Variants in MLF2 observed in about 807,000 individuals in gnomAD.
The protein encoded by MLF2 is myelodysplasia-myeloid leukemia factor 2.
Under a neutral mutation model 31.4 loss-of-function variants are expected in MLF2, and 12 were observed. The ratio of observed to expected loss-of-function variants is 0.38; its 90% CI spans 0.24 to 0.62. The LOEUF is 0.62. Ranked by LOEUF, MLF2 falls within the 20% of genes least tolerant of loss-of-function variation. The pLI is 0.58. For missense variants in MLF2, 272 were observed against 359.7 expected (o/e 0.76, Z 1.97); for synonymous variants, 109 against 118.8 (o/e 0.92, Z 0.54).
rs1160391964 is a variant in MLF2 at position 6,749,888 on chromosome 12, C to T, written c.519G>A (p.Gly173=). 2 of 1,614,074 alleles carry T rather than the reference C, an allele frequency of 1.2e-6. No individual in the cohort carries two copies. The highest frequency in any genetic ancestry group is 1.7e-6 in the Non-Finnish European group (2 of 1,180,052). ...ILQRSRNHRT[G]DQEERQDYIN... Reference sequence around the variant, plus strand: ...TATAGTCCTGCCGCTCCTCCTGGTCCCCCGTGCGATGGTTTCGGGAGCGCT... The same window carrying T: ...TATAGTCCTGCCGCTCCTCCTGGTCTCCCGTGCGATGGTTTCGGGAGCGCT... The change falls in exon 7 of 9, where the codon GGG becomes GGA. Residue 173 remains glycine (G), a synonymous_variant. Transcript: ENST00000203630. The surrounding 1 kb of genome is among the most constrained non-coding windows in gnomAD (Gnocchi z 5.3).
Position 6,753,101 on chromosome 12 carries a change from G to T in MLF2, c.-191C>A, listed in dbSNP as rs977745471. 1.8e-5 allele frequency: 7 copies of T among 392,474 alleles called. No homozygotes were observed. Among genetic ancestry groups the T allele is most frequent in the Non-Finnish European group, 3.1e-5 (7 of 222,760 alleles). 24.3% of individuals were successfully genotyped at this position (392,474 alleles called of 1,614,324 possible). A position where few individuals can be genotyped will look rare whatever the true frequency, so the allele number is the denominator to read the frequency against. On this transcript the variant is annotated 5_prime_UTR_variant, in exon 1 of 9. Transcript: ENST00000203630. Reference sequence around the variant, plus strand: ...GCTGCCACCTCCGTACGGCCCCCTCGGCCAACGGAGCCCGAACCTCGGCCA... The same window carrying T: ...GCTGCCACCTCCGTACGGCCCCCTCTGCCAACGGAGCCCGAACCTCGGCCA...
chr12:6,751,747 T>C lies in MLF2; in HGVS notation c.181-71A>G, dbSNP rs1363481124. 2.8e-5 allele frequency: 45 copies of C among 1,589,486 alleles called. No homozygotes were observed. In the East Asian group the frequency reaches 2.9e-4, roughly 10 times the overall value. On this transcript the variant is annotated intron_variant, in intron 3 of 8. Coordinates refer to ENST00000203630, the MANE Select transcript of MLF2 (RefSeq NM_001382226.1). ...TCTTTACAATCCCAAACCAGGCCCA[T>C]GGCCTCAATTTTTTTCCATCCTCTC...
At position 6,753,059 on chromosome 12, in the gene MLF2, C is replaced by G. The variant is rs1941641089; in HGVS notation, c.-149G>C. Reference sequence around the variant, plus strand: ...CGGGCTTGAGCTCCTCGGCCTTCCACGCCGCCTCCTCCCACAGCTGCCACC... The same window carrying G: ...CGGGCTTGAGCTCCTCGGCCTTCCAGGCCGCCTCCTCCCACAGCTGCCACC... On this transcript the variant is annotated 5_prime_UTR_variant, in exon 1 of 9. Transcript: ENST00000203630. 1 of 380,858 alleles carries G rather than the reference C, an allele frequency of 2.6e-6. No homozygotes were observed. Among genetic ancestry groups the G allele is most frequent in the Admixed American group, 4.5e-5 (1 of 22,066 alleles). The allele number at this position is 380,858 out of a possible 1,614,324, so 23.6% of individuals were successfully genotyped here. A position where few individuals can be genotyped will look rare whatever the true frequency, so the allele number is the denominator to read the frequency against.
chr12:6,752,140 A>G lies in MLF2; in HGVS notation c.51-86T>C. On this transcript the variant is annotated intron_variant, in intron 2 of 8. Transcript: ENST00000203630. The surrounding 1 kb of genome is among the most constrained non-coding windows in gnomAD (Gnocchi z 4.6). ...CCTGCAAAAAAATACGCACAGAGCAACAGTGGCACCGATGCCTACTTCCTG... is the reference window on the plus strand; with the variant it reads ...CCTGCAAAAAAATACGCACAGAGCAGCAGTGGCACCGATGCCTACTTCCTG... 6.3e-7 allele frequency: 1 copy of G among 1,593,256 alleles called. No individual in the cohort carries two copies. The highest frequency in any genetic ancestry group is 8.6e-7 in the Non-Finnish European group (1 of 1,165,402).
At position 6,750,063 on chromosome 12, in the gene MLF2, A is replaced by G. The variant is rs1255584139; in HGVS notation, c.400-56T>C. 12 of 1,612,014 alleles carry G rather than the reference A, an allele frequency of 7.4e-6. No homozygotes were observed. Among genetic ancestry groups the G allele is most frequent in the Non-Finnish European group, 1.0e-5 (12 of 1,178,510 alleles). On this transcript the variant is annotated intron_variant, in intron 6 of 8. Transcript: ENST00000203630. This position sits in a 1 kb window ranked among gnomAD's most constrained non-coding sequence, Gnocchi z 5.3. ...CCGCCCCTTCCAAAGCCCTGCCTAT[A>G]CCATCTCAGGATAAACACACCACAC...
At position 6,748,611 on chromosome 12, in the gene MLF2, G is replaced by C; in HGVS notation, c.*26-64C>G. On this transcript the variant is annotated intron_variant, in intron 8 of 8. Transcript: ENST00000203630. The surrounding 1 kb of genome is among the most constrained non-coding windows in gnomAD (Gnocchi z 4.6). Reference sequence around the variant, plus strand: ...AGAAAAAACTTACGTTAAGAGCCAGGAGTTGGGGTTTAATCCCCTATGTCA... The same window carrying C: ...AGAAAAAACTTACGTTAAGAGCCAGCAGTTGGGGTTTAATCCCCTATGTCA... 1 of 550,760 alleles carries C rather than the reference G, an allele frequency of 1.8e-6. No individual in the cohort carries two copies. 34.1% of individuals were successfully genotyped at this position (550,760 alleles called of 1,614,324 possible). A position where few individuals can be genotyped will look rare whatever the true frequency, so the allele number is the denominator to read the frequency against.
intron 4 of MLF2, 88 bp downstream of exon 4, chr12:6,751,553 A>G (rs1313391552): frequency 1.7e-5 from 25 of 1,431,410 alleles, no homozygotes; most frequent in Non-Finnish European, 2.5e-5. Context: ...TTACTCATGA[A>G]ACTATTCCTA....
chr12:6,751,589 A>G, intron 4 of MLF2, 52 bp downstream of exon 4: 2 of 1,573,670 alleles, frequency 1.3e-6, no homozygotes, highest in Non-Finnish European at 1.7e-6. Context: ...AATAATATCT[A>G]AGGGTAGAGA....
chr12:6,749,093 G>A lies in MLF2; in HGVS notation c.560-111C>T, dbSNP rs1941571134. The A allele has an allele frequency of 1.7e-6, 2 of 1,178,446 alleles. No individual in the cohort carries two copies. The highest frequency in any genetic ancestry group is 2.3e-6 in the Non-Finnish European group (2 of 863,652). 73.0% of individuals were successfully genotyped at this position (1,178,446 alleles called of 1,614,324 possible). ...AAAGCGGCGAAGGCTGAGTGTGCGT[G>A]CAGGGATGGGTGGGGTGGCAATTCC... On this transcript the variant is annotated intron_variant, in intron 7 of 8. Transcript: ENST00000203630. The surrounding 1 kb of genome is among the most constrained non-coding windows in gnomAD (Gnocchi z 5.3).
intron 4 of MLF2, among the ~76,000 whole-genome samples, 181 bp downstream of exon 4, chr12:6,751,460 T>G (rs1289741245): frequency 2.0e-5 from 3 of 151,966 alleles, no homozygotes; most frequent in Non-Finnish European, 4.4e-5. Context: ...CCAACAAGAG[T>G]TTAACACCTT....
rs765185030 is a variant in MLF2 at position 6,750,159 on chromosome 12, G to A, written c.399+18C>T. On this transcript the variant is annotated intron_variant, in intron 6 of 8. Coordinates refer to ENST00000203630, the MANE Select transcript of MLF2 (RefSeq NM_001382226.1). This position sits in a 1 kb window ranked among gnomAD's most constrained non-coding sequence, Gnocchi z 5.3. ...CTCAATCCTACCTTCTCTGGGACAGGAGGGCTCCCCAACTCACCCCGCCTG... is the reference window on the plus strand; with the variant it reads ...CTCAATCCTACCTTCTCTGGGACAGAAGGGCTCCCCAACTCACCCCGCCTG... 5.0e-6 allele frequency: 8 copies of A among 1,614,184 alleles called. No homozygotes were observed. In the Admixed American group the frequency reaches 1.0e-4, roughly 20 times the overall value.
chr12:6,750,858 C>T lies in MLF2; in HGVS notation c.217-92G>A. 1 of 1,082,360 alleles carries T rather than the reference C, an allele frequency of 9.2e-7. No individual in the cohort carries two copies. The allele number at this position is 1,082,360 out of a possible 1,614,324, so 67.0% of individuals were successfully genotyped here. A position where few individuals can be genotyped will look rare whatever the true frequency, so the allele number is the denominator to read the frequency against. On this transcript the variant is annotated intron_variant, in intron 4 of 8. Transcript: ENST00000203630. The surrounding 1 kb of genome is among the most constrained non-coding windows in gnomAD (Gnocchi z 5.3). ...GGAACCCACAACCCACATGGCTGCA[C>T]ATTTCCTTTCTCTTCTTCCTTCACA...
Position 6,748,480 on chromosome 12 carries a change from A to C in MLF2, c.*93T>G. 1.2e-5 allele frequency: 3 copies of C among 245,044 alleles called. No individual in the cohort carries two copies. The highest frequency in any genetic ancestry group is 1.5e-5 in the Non-Finnish European group (2 of 129,550). The allele number at this position is 245,044 out of a possible 1,614,324, so 15.2% of individuals were successfully genotyped here. ...CCGGCTTGCCTGTTAATTTAATATTAAATTGGGGATGGGAATCGAGAGGAA... is the reference window on the plus strand; with the variant it reads ...CCGGCTTGCCTGTTAATTTAATATTCAATTGGGGATGGGAATCGAGAGGAA... On this transcript the variant is annotated 3_prime_UTR_variant, in exon 9 of 9. Coordinates refer to ENST00000203630, the MANE Select transcript of MLF2 (RefSeq NM_001382226.1). The surrounding 1 kb of genome is among the most constrained non-coding windows in gnomAD (Gnocchi z 4.6).
intron 4 of MLF2, 124 bp downstream of exon 4, chr12:6,751,517 T>C (rs906287559): frequency 1.7e-6 from 2 of 1,144,808 alleles, no homozygotes; most frequent in Non-Finnish European, 2.6e-6. Context: ...GCTTTGTGAA[T>C]GCCATAAAAA....
chr12:6,749,012 G>A lies in MLF2; in HGVS notation c.560-30C>T. 1 of 1,527,784 alleles carries A rather than the reference G, an allele frequency of 6.5e-7. No individual in the cohort carries two copies. Among genetic ancestry groups the A allele is most frequent in the Non-Finnish European group, 8.7e-7 (1 of 1,145,750 alleles). 94.6% of individuals were successfully genotyped at this position (1,527,784 alleles called of 1,614,324 possible). On this transcript the variant is annotated intron_variant, in intron 7 of 8. Transcript: ENST00000203630. The surrounding 1 kb of genome is among the most constrained non-coding windows in gnomAD (Gnocchi z 5.3). The stretch of plus-strand genomic sequence containing the variant: ...AAAGGACAGAGCGGACATGAGGCCT[G>A]TGTGCGGCCTGGCTCCTGGAGGCCG...
chr12:6,752,081 G>T lies in MLF2; in HGVS notation c.51-27C>A. 1 of 1,613,520 alleles carries T rather than the reference G, an allele frequency of 6.2e-7. No homozygotes were observed. The highest frequency in any genetic ancestry group is 8.5e-7 in the Non-Finnish European group (1 of 1,179,638). On this transcript the variant is annotated intron_variant, in intron 2 of 8. Coordinates refer to ENST00000203630, the MANE Select transcript of MLF2 (RefSeq NM_001382226.1). This position sits in a 1 kb window ranked among gnomAD's most constrained non-coding sequence, Gnocchi z 4.6. The stretch of plus-strand genomic sequence containing the variant: ...TGTGGAGTGAGCACATAGTATGGAT[G>T]GCAGAAGCGCCAAACTGTCAATCCC...
rs1394257562 is a variant in MLF2, at chr12:6,752,517, T to C, written c.-28-155A>G. ...ACTCCAGGTGTTCCACACAACCCTC[T>C]AGGGAGGGAAGGGCTCTTCAAACCT... On this transcript the variant is annotated intron_variant, in intron 1 of 8. Transcript: ENST00000203630. This position sits in a 1 kb window ranked among gnomAD's most constrained non-coding sequence, Gnocchi z 4.6. 1.6e-6 allele frequency: 1 copy of C among 611,438 alleles called. No individual in the cohort carries two copies. Among genetic ancestry groups the C allele is most frequent in the Non-Finnish European group, 2.8e-6 (1 of 355,594 alleles). The allele number at this position is 611,438 out of a possible 1,614,324, so 37.9% of individuals were successfully genotyped here.
chr12:6,749,774 G>T lies in MLF2; in HGVS notation c.559+74C>A. ...GCTGACCCAGAGCTTTGCCCCAGAA[G>T]TGTCTATGTGTTAGGGATGTCCACG... On this transcript the variant is annotated intron_variant, in intron 7 of 8. Transcript: ENST00000203630. The surrounding 1 kb of genome is among the most constrained non-coding windows in gnomAD (Gnocchi z 5.3). 1 of 1,552,744 alleles carries T rather than the reference G, an allele frequency of 6.4e-7. No individual in the cohort carries two copies. Among genetic ancestry groups the T allele is most frequent in the Non-Finnish European group, 8.8e-7 (1 of 1,132,746 alleles).
Position 6,750,632 on chromosome 12 carries a change from TC to T in MLF2, c.270+80del. 3.4e-6 allele frequency: 5 copies of T among 1,454,122 alleles called. No individual in the cohort carries two copies. Among genetic ancestry groups the T allele is most frequent in the Non-Finnish European group, 4.8e-6 (5 of 1,037,510 alleles). 90.1% of individuals were successfully genotyped at this position (1,454,122 alleles called of 1,614,324 possible). The stretch of plus-strand genomic sequence containing the variant: ...CTTTACCCTTCACTAGCATACTGTT[TC>T]CCTCTTGCCTTAGAGGATGCAAGGT... On this transcript the variant is annotated intron_variant, in intron 5 of 8. Transcript: ENST00000203630. The surrounding 1 kb of genome is among the most constrained non-coding windows in gnomAD (Gnocchi z 5.3).
Sources: gnomAD v4.1 joint callset for allele counts (sites outside exome capture counted in the v4.1 genomes callset) on GRCh38, gnomAD v4.1.1 for gene constraint, Gnocchi (gnomAD v3.1) non-coding constraint, MANE v1.5 for transcripts, NCBI Gene and HGNC (gene_info 2026-07-23, HGNC 2026-07-21) for gene names.